The following MCM9 variants were observed in gnomAD, a reference collection of about 807,000 sequenced individuals.
MCM9 encodes DNA helicase MCM9.
In MCM9, 55 loss-of-function variants were observed where a neutral mutation model predicts 72.8. The observed-to-expected ratio is 0.76, with a 90% CI of 0.61 to 0.95. MCM9 has a LOEUF of 0.95. Ranked by LOEUF, MCM9 falls within the 40% of genes least tolerant of loss-of-function variation. MCM9 has a pLI of 0.00. For missense variants in MCM9, 1,279 were observed against 1,377.0 expected, an observed-to-expected ratio of 0.93 and a Z score of 1.13; for synonymous variants, 480 against 503.4, an observed-to-expected ratio of 0.95 and a Z score of 0.62.
chr6:118,924,060 T>C lies in MCM9; in HGVS notation c.372A>G (p.Leu124=), dbSNP rs867091356. The part of the protein sequence containing the change: ...IPKTKDVGHF[L]SVTGTVIRTS... ...TTCGAATCACTGTCCCAGTGACAGATAAAAAGTGTCCCACATCCTTGGTTT... is the reference window on the plus strand; with the variant it reads ...TTCGAATCACTGTCCCAGTGACAGACAAAAAGTGTCCCACATCCTTGGTTT... The change falls in exon 4 of 14, where the codon TTA becomes TTG. Residue 124 remains leucine (L), a synonymous_variant. Coordinates refer to ENST00000619706, the MANE Select transcript of MCM9 (RefSeq NM_017696.3). The C allele has an allele frequency of 2.5e-6, 4 of 1,614,178 alleles. No homozygotes were observed. Among genetic ancestry groups the C allele is most frequent in the South Asian group, 1.1e-5 (1 of 91,080 alleles).
At chr6:118,861,143 C>G (rs1776877267) in intron 8 of MCM9, among the ~76,000 whole-genome samples, 1 of 152,186 alleles carries the variant, frequency 6.6e-6, no homozygotes. Context: ...CGGGCAGCTC[C>G]AGGTACCGGT....
intron 9 of MCM9, among the ~76,000 whole-genome samples, chr6:118,841,368 CCT>C (rs917114546): frequency 3.3e-5 from 5 of 152,140 alleles, no homozygotes; most frequent in African/African-American, 1.2e-4. Context: ...CTTCTCCCTG[CCT>C]CTCTCTCCTC....
chr6:118,880,500 AC>A (rs1778220030), intron 8 of MCM9, among the ~76,000 whole-genome samples: 1 of 152,216 alleles, frequency 6.6e-6, no homozygotes, highest in Non-Finnish European at 1.5e-5. Flanking sequence ...TACAGAAAGG[AC>A]TTTCAGCCAT....
chr6:118,931,572 T>C lies in MCM9; in HGVS notation c.152A>G (p.Asn51Ser). 1 of 1,614,156 alleles carries C rather than the reference T, an allele frequency of 6.2e-7. No homozygotes were observed. Among genetic ancestry groups the C allele is most frequent in the Non-Finnish European group, 8.5e-7 (1 of 1,180,022 alleles). The change falls in exon 3 of 14, where the codon AAC (asparagine) becomes AGC (serine). Residue 51 changes from asparagine (N) to serine (S), a missense_variant. Asn to Ser is a conservative substitution (Grantham distance 46, BLOSUM62 1). Coordinates refer to ENST00000619706, the MANE Select transcript of MCM9 (RefSeq NM_017696.3). Reference sequence around the variant, plus strand: ...GTTGAAATATTCCCCGATTTCCATGTTGGTCTCAAACAGAGTCATGGCATT... The same window carrying C: ...GTTGAAATATTCCCCGATTTCCATGCTGGTCTCAAACAGAGTCATGGCATT... ...VVNAMTLFET[N>S]MEIGEYFNMF...
At chr6:118,895,139 G>A (rs1437937295) in intron 8 of MCM9, among the ~76,000 whole-genome samples, 2 of 152,074 alleles carry the variant, frequency 1.3e-5, no homozygotes, top group Non-Finnish European at 2.9e-5. Flanking sequence ...TCCTCGCGCT[G>A]ATTTCTGGCT....
At chr6:118,883,467 A>G (rs1050614373) in intron 8 of MCM9, among the ~76,000 whole-genome samples, 3 of 151,094 alleles carry the variant, frequency 2.0e-5, no homozygotes, top group African/African-American at 4.8e-5. Context: ...AAAACAATGG[A>G]CTATACATTC....
At chr6:118,890,212 G>A (rs1031648324) in intron 8 of MCM9, among the ~76,000 whole-genome samples, 1 of 152,086 alleles carries the variant, frequency 6.6e-6, no homozygotes, top group Non-Finnish European at 1.5e-5. Flanking sequence ...TGGAGTGTCC[G>A]CCAGCCTGTG....
chr6:118,859,394 A>G (rs912302484), intron 8 of MCM9, among the ~76,000 whole-genome samples: 1 of 152,216 alleles, frequency 6.6e-6, no homozygotes. Flanking sequence ...CACTACTTCA[A>G]CCTAACAAGT....
intron 8 of MCM9, chr6:118,907,800 ATTT>A: frequency 1.9e-6 from 1 of 524,196 alleles, no homozygotes; most frequent in Non-Finnish European, 3.4e-6. Context: ...TTTTTAAGTA[ATTT>A]TTTTCTCTAA....
chr6:118,915,789 T>C (rs1399162069), intron 6 of MCM9, among the ~76,000 whole-genome samples: 1 of 152,256 alleles, frequency 6.6e-6, no homozygotes, highest in Non-Finnish European at 1.5e-5. Flanking sequence ...CCTTATTTTC[T>C]TGCTATCTTC....
intron 8 of MCM9, among the ~76,000 whole-genome samples, chr6:118,870,133 T>G (rs1035723689): frequency 2.9e-4 from 44 of 152,198 alleles, no homozygotes; most frequent in Non-Finnish European, 5.4e-4. Context: ...GGACTTGAAC[T>G]ATACTTTAGA....
chr6:118,902,424 TA>T (rs1360732817), intron 8 of MCM9, among the ~76,000 whole-genome samples: 1 of 151,840 alleles, frequency 6.6e-6, no homozygotes, highest in Non-Finnish European at 1.5e-5. Context: ...AATTGTTATA[TA>T]AAAAAGCAGG....
chr6:118,881,795 C>T (rs1489160620), intron 8 of MCM9, among the ~76,000 whole-genome samples: 2 of 152,134 alleles, frequency 1.3e-5, no homozygotes, highest in Non-Finnish European at 2.9e-5. Flanking sequence ...AATGAAGAAA[C>T]ATTTATTCAT....
At chr6:118,887,371 T>C (rs1778666954) in intron 8 of MCM9, among the ~76,000 whole-genome samples, 1 of 152,150 alleles carries the variant, frequency 6.6e-6, no homozygotes, top group South Asian at 2.1e-4. Context: ...TCCAAGCCAA[T>C]TCATTAGGAA....
At chr6:118,896,044 T>G (rs1167974825) in intron 8 of MCM9, among the ~76,000 whole-genome samples, 1 of 139,834 alleles carries the variant, frequency 7.2e-6, no homozygotes, top group South Asian at 2.1e-4. Context: ...TGCCCCCGTT[T>G]TTTTTTTTTT....
At chr6:118,845,258 T>G (rs1775779309) in intron 9 of MCM9, among the ~76,000 whole-genome samples, 1 of 151,896 alleles carries the variant, frequency 6.6e-6, no homozygotes, top group South Asian at 2.1e-4. Context: ...ATGAATAAAC[T>G]TCTGATGCTG....
At chr6:118,892,901 A>C (rs2114464287) in intron 8 of MCM9, among the ~76,000 whole-genome samples, 1 of 152,344 alleles carries the variant, frequency 6.6e-6, no homozygotes, top group African/African-American at 2.4e-5. Flanking sequence ...GTTTCATCAA[A>C]AGCCACCTAC....
chr6:118,888,282 C>T (rs1001065141), intron 8 of MCM9, among the ~76,000 whole-genome samples: 11 of 152,012 alleles, frequency 7.2e-5, no homozygotes, highest in African/African-American at 2.7e-4. Flanking sequence ...GTCAGTAGAT[C>T]GAGACCATCC....
intron 8 of MCM9, among the ~76,000 whole-genome samples, chr6:118,866,724 T>C (rs1231129066): frequency 1.3e-5 from 2 of 152,124 alleles, no homozygotes; most frequent in East Asian, 3.9e-4. Context: ...ATTATTGGCA[T>C]GCCAGAAGGA....
Sources: allele counts gnomAD v4.1 joint callset (sites outside exome capture counted in the v4.1 genomes callset), GRCh38; gene constraint gnomAD v4.1.1; transcripts MANE v1.5; gene names NCBI Gene and HGNC (gene_info 2026-07-23, HGNC 2026-07-21).